SNX8: variants seen among roughly 807,000 people sequenced by gnomAD.
The protein encoded by SNX8 is sorting nexin-8.
A neutral mutation model predicts 51.6 loss-of-function variants in SNX8; 25 were observed. The observed-to-expected ratio is 0.48, with a 90% CI of 0.35 to 0.68. SNX8 has a LOEUF of 0.68. Among genes scored for constraint, SNX8 ranks in the 30% least tolerant of loss-of-function variants. SNX8 has a pLI of 0.00. For missense variants in SNX8, 695 were observed against 624.0 expected, an observed-to-expected ratio of 1.11 and a Z score of -1.21; for synonymous variants, 324 against 277.0, an observed-to-expected ratio of 1.17 and a Z score of -1.68.
chr7:2,263,130 CA>C, intron 7 of SNX8, 99 bp downstream of exon 7: 2 of 1,426,182 alleles, frequency 1.4e-6, no homozygotes, highest in South Asian at 1.3e-5. Context: ...AACAACAAAA[CA>C]AAAACGAACT....
intron 5 of SNX8, among the ~76,000 whole-genome samples, chr7:2,268,599 G>GT (rs1174009628): frequency 7.3e-6 from 1 of 137,446 alleles, no homozygotes; most frequent in African/African-American, 2.7e-5. Flanking sequence ...GAGGGAGGTG[G>GT]GGGGGTCAGC....
intron 4 of SNX8, among the ~76,000 whole-genome samples, chr7:2,271,631 G>C (rs34502289): frequency 6.6e-6 from 1 of 151,980 alleles, no homozygotes; most frequent in African/African-American, 2.4e-5. Flanking sequence ...ATCTCCACGC[G>C]GATTTACAAA....
chr7:2,322,587 G>C (rs937770156), intron 1 of SNX8, among the ~76,000 whole-genome samples: 2 of 152,120 alleles, frequency 1.3e-5, no homozygotes, highest in African/African-American at 2.4e-5. Flanking sequence ...CCAGCTACTC[G>C]GGAGGCTGAG....
intron 1 of SNX8, among the ~76,000 whole-genome samples, chr7:2,304,820 T>A (rs1455556593): frequency 6.6e-6 from 1 of 152,126 alleles, no homozygotes; most frequent in Non-Finnish European, 1.5e-5. Flanking sequence ...CTCCTTTTGG[T>A]GCAAAACACG....
intron 1 of SNX8, among the ~76,000 whole-genome samples, chr7:2,310,915 T>C (rs1478599111): frequency 2.6e-5 from 4 of 152,126 alleles, no homozygotes; most frequent in Non-Finnish European, 5.9e-5. Context: ...ACTAAAACGG[T>C]CCATCCCAAA....
chr7:2,264,695 C>T (rs1030043288), intron 5 of SNX8, among the ~76,000 whole-genome samples: 3 of 152,182 alleles, frequency 2.0e-5, no homozygotes, highest in African/African-American at 7.2e-5. Context: ...GGGATGAGGA[C>T]CACAGAGTCC....
chr7:2,294,894 G>C (rs974954297), intron 1 of SNX8, among the ~76,000 whole-genome samples: 1 of 152,094 alleles, frequency 6.6e-6, no homozygotes, highest in Non-Finnish European at 1.5e-5. Context: ...GTCAGGCATG[G>C]TGGTGCACAC....
At chr7:2,257,233 T>C in intron 9 of SNX8, 132 bp downstream of exon 9, 1 of 1,215,044 alleles carries the variant, frequency 8.2e-7, no homozygotes, top group Non-Finnish European at 1.1e-6. Flanking sequence ...GCTCCCTGCC[T>C]CCACTGCACC....
intron 1 of SNX8, among the ~76,000 whole-genome samples, chr7:2,348,913 T>C (rs1583130968): frequency 7.4e-6 from 1 of 135,894 alleles, no homozygotes; most frequent in Admixed American, 8.3e-5. Context: ...ATTGTGCCAC[T>C]GCACTCCAGC....
intron 1 of SNX8, among the ~76,000 whole-genome samples, chr7:2,297,402 T>G (rs1475790358): frequency 6.6e-6 from 1 of 150,950 alleles, no homozygotes; most frequent in East Asian, 1.9e-4. Flanking sequence ...AATACAAAAT[T>G]AGCCAGGCAC....
intron 1 of SNX8, among the ~76,000 whole-genome samples, chr7:2,343,809 G>A (rs557375841): frequency 4.6e-5 from 7 of 151,816 alleles, no homozygotes; most frequent in South Asian, 4.2e-4. Flanking sequence ...ACTTGAGGTC[G>A]GGAGTTCAAG....
intron 1 of SNX8, chr7:2,309,671 C>A: frequency 2.5e-6 from 1 of 398,512 alleles, no homozygotes. Context: ...GAGGAGGTTG[C>A]GGTGAGCCGA....
At chr7:2,299,098 G>C (rs1796335985) in intron 1 of SNX8, among the ~76,000 whole-genome samples, 2 of 152,022 alleles carry the variant, frequency 1.3e-5, no homozygotes, top group African/African-American at 4.8e-5. Context: ...CAGAGAGCTA[G>C]GTTCCTCGAT....
chr7:2,311,733 C>G (rs1448177442), intron 1 of SNX8, among the ~76,000 whole-genome samples: 1 of 151,976 alleles, frequency 6.6e-6, no homozygotes, highest in Non-Finnish European at 1.5e-5. Context: ...GTCAGGAGAT[C>G]GAGACCATCC....
intron 1 of SNX8, among the ~76,000 whole-genome samples, chr7:2,328,861 G>A (rs1254334311): frequency 1.1e-4 from 16 of 142,748 alleles, no homozygotes; most frequent in South Asian, 2.3e-4. Context: ...CGAGGTGGGT[G>A]GATCACAAGG....
intron 9 of SNX8, 148 bp from the exon 10 acceptor site, chr7:2,257,171 C>G (rs1795206999): frequency 1.7e-6 from 2 of 1,190,094 alleles, no homozygotes; most frequent in Admixed American, 2.7e-5. Context: ...TAAGAGAGGG[C>G]CGGGGAGGGA....
intron 3 of SNX8, 87 bp from the exon 4 acceptor site, chr7:2,272,058 G>T: frequency 1.3e-6 from 2 of 1,554,038 alleles, no homozygotes; most frequent in South Asian, 1.2e-5. Flanking sequence ...ACTCTCCCTA[G>T]AGGTGGCAGA....
At chr7:2,278,430 G>A (rs1795834654) in intron 1 of SNX8, 125 bp from the exon 2 acceptor site, 2 of 609,652 alleles carry the variant, frequency 3.3e-6, no homozygotes, top group Non-Finnish European at 5.7e-6. Context: ...TATCACTTGA[G>A]CCCTGGAGTT....
intron 1 of SNX8, among the ~76,000 whole-genome samples, chr7:2,320,285 G>C (rs1331003215): frequency 1.3e-5 from 2 of 152,072 alleles, no homozygotes; most frequent in African/African-American, 4.8e-5. Context: ...AACCTGGGAG[G>C]CGGAGGTTGT....
Sources: gnomAD v4.1 joint callset for allele counts (sites outside exome capture counted in the v4.1 genomes callset) on GRCh38, gnomAD v4.1.1 for gene constraint, MANE v1.5 for transcripts, NCBI Gene and HGNC (gene_info 2026-07-23, HGNC 2026-07-21) for gene names.